The following SGCG variants were observed in gnomAD, a reference collection of about 807,000 sequenced individuals.
SGCG encodes sarcoglycan gamma, also known as gamma-sarcoglycan.
In SGCG, 26 loss-of-function variants were observed where a neutral mutation model predicts 29.3. The ratio of observed to expected loss-of-function variants is 0.89; its 90% confidence interval spans 0.65 to 1.23. The LOEUF is 1.23. Ranked by LOEUF, SGCG falls within the 50% of genes most tolerant of loss-of-function variation. SGCG has a pLI of 0.00. For missense variants in SGCG, 353 were observed against 356.0 expected (o/e 0.99, Z 0.07); for synonymous variants, 145 against 129.7 (o/e 1.12, Z -0.80).
rs541331836 is a variant in SGCG, at chr13:23,277,034, T to C, written c.386-2325T>C. On this transcript the variant is annotated intron_variant, in intron 4 of 7. Transcript: ENST00000218867. Reference sequence around the variant, plus strand: ...AATGGAACCATTCACTTTCCTGCATTTTCTTTGATTTGAGGAACAGTTTAT... The same window carrying C: ...AATGGAACCATTCACTTTCCTGCATCTTCTTTGATTTGAGGAACAGTTTAT... 2.0e-5 allele frequency among the ~76,000 whole-genome samples: 3 copies of C among 152,336 alleles called. No homozygotes were observed. In the East Asian group the frequency reaches 5.8e-4, roughly 29 times the overall value.
At chr13:23,195,322 T>C (rs1024822015) in intron 1 of SGCG, among the ~76,000 whole-genome samples, 1 of 152,218 alleles carries the variant, frequency 6.6e-6, no homozygotes, top group Admixed American at 6.5e-5. Flanking sequence ...GAAGAGTTTG[T>C]CTGAATTGCC....
chr13:23,215,879 A>C lies in SGCG; in HGVS notation c.195+11990A>C, dbSNP rs191044097. Among the ~76,000 whole-genome samples, 14 of 152,282 alleles carry C rather than the reference A, an allele frequency of 9.2e-5. No homozygotes were observed. In the East Asian group the frequency reaches 2.7e-3, roughly 29 times the overall value. On this transcript the variant is annotated intron_variant, in intron 2 of 7. Transcript: ENST00000218867. ...TATAGCAATAAGATGTAGGCTATAC[A>C]TAACGGCCAAATGTGGAAGACCAAT... is the stretch of plus-strand genomic sequence containing the variant.
the SGCG span, among the ~76,000 whole-genome samples, chr13:23,168,758 G>T: frequency 6.6e-6 from 1 of 152,084 alleles, no homozygotes; most frequent in Non-Finnish European, 1.5e-5. Context: ...GATAATCATT[G>T]ATAACAATTA....
intron 2 of SGCG, among the ~76,000 whole-genome samples, chr13:23,223,094 C>T (rs570813388): frequency 1.3e-4 from 19 of 151,532 alleles, no homozygotes; most frequent in South Asian, 2.1e-4. Flanking sequence ...CTGGCTAACA[C>T]GGTGAAACCC....
intron 2 of SGCG, among the ~76,000 whole-genome samples, chr13:23,207,149 C>T (rs572019945): frequency 3.9e-5 from 6 of 152,090 alleles, no homozygotes; most frequent in African/African-American, 1.4e-4. Flanking sequence ...AATAGAGATC[C>T]CAGAAAAAAA....
chr13:23,278,641 A>G (rs1357862252), intron 4 of SGCG, among the ~76,000 whole-genome samples: 1 of 152,112 alleles, frequency 6.6e-6, no homozygotes, highest in Non-Finnish European at 1.5e-5. Flanking sequence ...AGTGAGTGGG[A>G]GGTGTGACCT....
rs371622125 is a variant in SGCG, at chr13:23,250,650, A to G, written c.318A>G (p.Gln106=). The change falls in exon 4 of 8, where the codon CAA becomes CAG. Residue 106 remains glutamine (Q), a synonymous_variant. Coordinates refer to ENST00000218867, the MANE Select transcript of SGCG (RefSeq NM_000231.3). ...HSRVDSSLLL[Q]STQNVTVNAR... ...TCTAGGACTCATCTCTGCTTCTACA[A>G]TCAACCCAGAATGTGACTGTAAATG... The G allele has an allele frequency of 6.2e-6, 10 of 1,611,524 alleles. No individual in the cohort carries two copies. The highest frequency in any genetic ancestry group is 2.7e-5 in the African/African-American group (2 of 74,848).
At chr13:23,320,285 G>A (rs375620098) in intron 6 of SGCG, among the ~76,000 whole-genome samples, 15 of 152,152 alleles carry the variant, frequency 9.9e-5, no homozygotes, top group Admixed American at 5.2e-4. Context: ...GCAACATAAC[G>A]AAAATAATTT....
chr13:23,163,148 A>G, the SGCG span, among the ~76,000 whole-genome samples: 1 of 152,192 alleles, frequency 6.6e-6, no homozygotes, highest in Admixed American at 6.5e-5. Flanking sequence ...GTAACAATAC[A>G]ATGTTTTCTA....
intron 6 of SGCG, among the ~76,000 whole-genome samples, chr13:23,319,069 G>A (rs1344541586): frequency 1.3e-5 from 2 of 152,200 alleles, no homozygotes; most frequent in Non-Finnish European, 2.9e-5. Flanking sequence ...GGAGGCCAAG[G>A]CGGGTGGATC....
Position 23,324,891 on chromosome 13 carries a change from G to C in SGCG, c.*350G>C. The C allele has an allele frequency of 5.5e-6, 2 of 363,682 alleles. No individual in the cohort carries two copies. The highest frequency in any genetic ancestry group is 1.1e-5 in the Non-Finnish European group (2 of 186,142). The allele number at this position is 363,682 out of a possible 1,614,324, so 22.5% of individuals were successfully genotyped here. On this transcript the variant is annotated 3_prime_UTR_variant, in exon 8 of 8. Transcript: ENST00000218867. ...TTGCCGTGTGGAGTTAATGTATGAC[G>C]CTCCACTGTGGATATCTAATGCCCT...
intron 1 of SGCG, among the ~76,000 whole-genome samples, chr13:23,188,394 C>T (rs1297848023): frequency 7.4e-6 from 1 of 136,042 alleles, no homozygotes; most frequent in Non-Finnish European, 1.5e-5. Flanking sequence ...GGAGCGATCT[C>T]GGCTCACTGC....
At chr13:23,177,120 A>G (rs35439206), upstream of SGCG, among the ~76,000 whole-genome samples, 5,970 of 152,292 alleles carry the variant, frequency 0.039, 120 homozygotes, top group Admixed American at 0.062. Flanking sequence ...TAAGCCAAGC[A>G]TGAAAAGACA....
upstream of SGCG, among the ~76,000 whole-genome samples, chr13:23,177,844 G>C (rs1168942610): frequency 6.6e-6 from 1 of 151,968 alleles, no homozygotes; most frequent in East Asian, 1.9e-4. Flanking sequence ...CTCCCAAAGT[G>C]CTAGGATTAC....
intron 5 of SGCG, among the ~76,000 whole-genome samples, chr13:23,286,152 C>G (rs1881487943): frequency 6.6e-6 from 1 of 152,196 alleles, no homozygotes; most frequent in Non-Finnish European, 1.5e-5. Flanking sequence ...CACATGACCT[C>G]AAATGAATAT....
chr13:23,241,042 G>T (rs886712459), intron 3 of SGCG, among the ~76,000 whole-genome samples: 22 of 151,628 alleles, frequency 1.5e-4, no homozygotes, highest in African/African-American at 4.4e-4. Flanking sequence ...CCAGCTACTT[G>T]GGAGGCTGAG....
the SGCG span, among the ~76,000 whole-genome samples, chr13:23,163,521 A>C: frequency 3.3e-5 from 5 of 152,176 alleles, no homozygotes; most frequent in African/African-American, 9.7e-5. Context: ...GAGTGGGATC[A>C]CCTAAATTAA....
chr13:23,184,737 G>T (rs995985703), intron 1 of SGCG, among the ~76,000 whole-genome samples: 3 of 152,058 alleles, frequency 2.0e-5, no homozygotes, highest in African/African-American at 7.2e-5. Context: ...CCCACACCTT[G>T]CCCATCTTCC....
chr13:23,297,233 T>TA (rs34070638), intron 6 of SGCG, among the ~76,000 whole-genome samples: 52,944 of 151,286 alleles, frequency 0.35, 9,418 homozygotes, highest in East Asian at 0.51. Flanking sequence ...ATCTTTTATT[T>TA]TTTTTTTTTT....
Sources: allele counts gnomAD v4.1 joint callset (sites outside exome capture counted in the v4.1 genomes callset), GRCh38; gene constraint gnomAD v4.1.1; transcripts MANE v1.5; gene names NCBI Gene and HGNC (gene_info 2026-07-23, HGNC 2026-07-21).